GLDN: variants seen among roughly 807,000 people sequenced by gnomAD.
GLDN encodes collomin.
Under a neutral mutation model 56.5 loss-of-function variants are expected in GLDN, and 47 were observed. The observed-to-expected ratio is 0.83, with a 90% CI of 0.66 to 1.06. GLDN has a LOEUF of 1.06. Ranked by LOEUF, GLDN falls within the 50% of genes least tolerant of loss-of-function variation. The probability of loss-of-function intolerance (pLI) is 0.00; values close to 1 mark genes in which losing one functional copy is unlikely to be tolerated. For missense variants in GLDN, 782 were observed against 714.3 expected (o/e 1.09, Z -1.08); for synonymous variants, 332 against 278.8 (o/e 1.19, Z -1.90).
intron 4 of GLDN, 46 bp downstream of exon 4, chr15:51,383,938 C>A: frequency 7.3e-7 from 1 of 1,363,572 alleles, no homozygotes; most frequent in Non-Finnish European, 1.0e-6. Flanking sequence ...TATTTATCTC[C>A]ATGATTGCAT....
chr15:51,402,966 C>T (rs747421946), intron 9 of GLDN, among the ~76,000 whole-genome samples: 2 of 152,184 alleles, frequency 1.3e-5, no homozygotes, highest in South Asian at 4.1e-4. Context: ...ACTCTTTCCT[C>T]CGATGCTTCT....
At chr15:51,387,729 T>C (rs914469162) in intron 4 of GLDN, among the ~76,000 whole-genome samples, 3 of 151,856 alleles carry the variant, frequency 2.0e-5, no homozygotes, top group Non-Finnish European at 1.5e-5. Context: ...AGGGAACAAG[T>C]GTTGTTTCCA....
chr15:51,406,939 C>A lies in GLDN; in HGVS notation c.*2185C>A, dbSNP rs151284278. The A allele has an allele frequency of 7.2e-5, 11 of 152,304 alleles. No homozygotes were observed. Among genetic ancestry groups the A allele is most frequent in the Non-Finnish European group, 1.5e-4 (10 of 68,028 alleles). 9.4% of individuals were successfully genotyped at this position (152,304 alleles called of 1,614,324 possible). ...ATATATATGTTGCTGTTGCTGAATA[C>A]AGGAGACCAGGTTAGGAATATAGTT... On this transcript the variant is annotated 3_prime_UTR_variant, in exon 10 of 10. Coordinates refer to ENST00000335449, the MANE Select transcript of GLDN (RefSeq NM_181789.4).
intron 4 of GLDN, among the ~76,000 whole-genome samples, chr15:51,386,007 G>T (rs564124683): frequency 6.6e-6 from 1 of 152,320 alleles, no homozygotes; most frequent in African/African-American, 2.4e-5. Flanking sequence ...AGAGGCTATA[G>T]GAGGGAAGGG....
At chr15:51,378,160 G>A (rs888777001) in intron 2 of GLDN, among the ~76,000 whole-genome samples, 3 of 152,174 alleles carry the variant, frequency 2.0e-5, no homozygotes, top group African/African-American at 7.2e-5. Flanking sequence ...GAATAAACCT[G>A]TGAGTATATG....
intron 4 of GLDN, among the ~76,000 whole-genome samples, chr15:51,390,669 C>G (rs2037997928): frequency 6.6e-6 from 1 of 152,184 alleles, no homozygotes; most frequent in Non-Finnish European, 1.5e-5. Context: ...AATAAAACAT[C>G]CTCCCTCACC....
At chr15:51,372,755 G>C (rs2037542418) in intron 1 of GLDN, among the ~76,000 whole-genome samples, 1 of 152,134 alleles carries the variant, frequency 6.6e-6, no homozygotes, top group Non-Finnish European at 1.5e-5. Flanking sequence ...GAAGTTCCAG[G>C]CCTGGGACCG....
chr15:51,341,819 C>T lies in GLDN; in HGVS notation c.135C>T (p.Ser45=). The T allele has an allele frequency of 6.6e-7, 1 of 1,515,330 alleles. No individual in the cohort carries two copies. 93.9% of individuals were successfully genotyped at this position (1,515,330 alleles called of 1,614,324 possible). The change falls in exon 1 of 10, where the codon AGC becomes AGT. Residue 45 remains serine (S), a synonymous_variant. Transcript: ENST00000335449. ...VFALCQWRGL[S]SALRALEAQR... Reference sequence around the variant, plus strand: ...CGCTGTGCCAGTGGCGCGGGCTGAGCTCGGCGCTGCGGGCTTTGGAGGCGC... The same window carrying T: ...CGCTGTGCCAGTGGCGCGGGCTGAGTTCGGCGCTGCGGGCTTTGGAGGCGC...
chr15:51,397,506 G>A lies in GLDN; in HGVS notation c.725G>A (p.Gly242Glu). ...GACCAAGGCCCACCCGGTCCACCTGGGCCCCCAGGCCCTCCAGGTCCTCCA... is the reference window on the plus strand; with the variant it reads ...GACCAAGGCCCACCCGGTCCACCTGAGCCCCCAGGCCCTCCAGGTCCTCCA... ...KGDQGPPGPP[G>E]PPGPPGPPGP... The change falls in exon 6 of 10, where the codon GGG becomes GAG. Residue 242 changes from glycine to glutamate, a missense_variant. Physicochemically the swap from Gly to Glu is moderately conservative, Grantham distance 98. Coordinates refer to ENST00000335449, the MANE Select transcript of GLDN (RefSeq NM_181789.4). The A allele has an allele frequency of 6.4e-7, 1 of 1,574,684 alleles. No homozygotes were observed. Among genetic ancestry groups the A allele is most frequent in the Non-Finnish European group, 8.6e-7 (1 of 1,158,702 alleles).
intron 9 of GLDN, among the ~76,000 whole-genome samples, chr15:51,402,824 T>G (rs552276792): frequency 1.2e-4 from 19 of 152,208 alleles, no homozygotes; most frequent in Admixed American, 1.2e-3. Context: ...CTCCTTTGCC[T>G]CTCACTCCCA....
In GLDN at chr15:51,346,387, G is replaced by A. The variant is rs1481046905; in HGVS notation, c.363+4340G>A. On this transcript the variant is annotated intron_variant, in intron 1 of 9. Coordinates refer to ENST00000335449, the MANE Select transcript of GLDN (RefSeq NM_181789.4). The stretch of plus-strand genomic sequence containing the variant: ...TCCGAAATAATCTTAAATACATATG[G>A]CAATTTAGTACATGATAAAGACAGT... Among the ~76,000 whole-genome samples, 3 of 152,282 alleles carry A rather than the reference G, an allele frequency of 2.0e-5. No individual in the cohort carries two copies. In the South Asian group the frequency reaches 6.2e-4, roughly 32 times the overall value.
chr15:51,395,728 A>G (rs1373353076), intron 5 of GLDN, among the ~76,000 whole-genome samples: 1 of 151,312 alleles, frequency 6.6e-6, no homozygotes, highest in African/African-American at 2.4e-5. Context: ...TCACATTACT[A>G]TAAATTACCT....
At position 51,404,561 on chromosome 15, in the gene GLDN, A is replaced by C. The variant is rs749168095; in HGVS notation, c.1463A>C (p.Lys488Thr). ...ARGILYVTDT[K>T]DMRVTFAFDL... ...GGAATCCTCTATGTCACAGACACCA[A>C]AGATATGAGGGTCACATTTGCCTTT... is the stretch of plus-strand genomic sequence containing the variant. The change falls in exon 10 of 10, where the codon AAA (lysine) becomes ACA (threonine). Residue 488 changes from lysine to threonine, a missense_variant. Physicochemically the swap from Lys to Thr is moderately conservative, Grantham distance 78. Coordinates refer to ENST00000335449, the MANE Select transcript of GLDN (RefSeq NM_181789.4). The C allele has an allele frequency of 6.2e-7, 1 of 1,614,172 alleles. No homozygotes were observed. Among genetic ancestry groups the C allele is most frequent in the Admixed American group, 1.7e-5 (1 of 60,026 alleles).
At chr15:51,400,608 G>T in intron 8 of GLDN, 110 bp downstream of exon 8, 4 of 1,182,714 alleles carry the variant, frequency 3.4e-6, no homozygotes, top group Non-Finnish European at 4.8e-6. Context: ...CCGGTAGCTG[G>T]TGTAATAAAT....
At chr15:51,364,049 T>G (rs1012799811) in intron 1 of GLDN, among the ~76,000 whole-genome samples, 4 of 152,198 alleles carry the variant, frequency 2.6e-5, no homozygotes, top group African/African-American at 9.6e-5. Flanking sequence ...TTTTAAACAG[T>G]TGTATGTCAT....
At chr15:51,387,485 G>A (rs74980274) in intron 4 of GLDN, among the ~76,000 whole-genome samples, 3 of 152,132 alleles carry the variant, frequency 2.0e-5, no homozygotes, top group South Asian at 2.1e-4. Context: ...CAGAGGGTGC[G>A]GTCACACAGC....
At chr15:51,352,353 C>T (rs2141052068) in intron 1 of GLDN, among the ~76,000 whole-genome samples, 1 of 152,212 alleles carries the variant, frequency 6.6e-6, no homozygotes, top group East Asian at 1.9e-4. Flanking sequence ...TCCAATATCC[C>T]CACCTCCTAA....
chr15:51,394,881 A>G lies in GLDN; in HGVS notation c.588A>G (p.Gly196=), dbSNP rs531689866. The G allele has an allele frequency of 1.9e-6, 3 of 1,613,706 alleles. No homozygotes were observed. The African/African-American group carries it at 4.0e-5, about 22-fold the overall frequency. The change falls in exon 5 of 10, where the codon GGA becomes GGG. Residue 196 remains glycine, a synonymous_variant. Coordinates refer to ENST00000335449, the MANE Select transcript of GLDN (RefSeq NM_181789.4). ...AGNPGERGEK[G]DHGELGLQGN... ...ATCCAGGGGAAAGGGGAGAAAAGGGAGACCATGGTGAACTGGGCCTGCAGG... is the reference window on the plus strand; with the variant it reads ...ATCCAGGGGAAAGGGGAGAAAAGGGGGACCATGGTGAACTGGGCCTGCAGG...
chr15:51,381,215 A>G (rs1304609118), intron 2 of GLDN, among the ~76,000 whole-genome samples: 1 of 152,226 alleles, frequency 6.6e-6, no homozygotes, highest in East Asian at 1.9e-4. Context: ...GTACTGATGC[A>G]TGGACGTGGT....
Sources: allele counts gnomAD v4.1 joint callset (sites outside exome capture counted in the v4.1 genomes callset), GRCh38; gene constraint gnomAD v4.1.1; transcripts MANE v1.5; gene names NCBI Gene and HGNC (gene_info 2026-07-23, HGNC 2026-07-21).